Variants in NUP210 observed in about 807,000 individuals in gnomAD.
NUP210 encodes the protein nuclear pore membrane glycoprotein 210.
Under a neutral mutation model 196.0 loss-of-function variants are expected in NUP210, and 151 were observed. The ratio of observed to expected loss-of-function variants is 0.77; its 90% CI spans 0.67 to 0.88. NUP210 has a LOEUF of 0.88. NUP210 is among the 40% of genes least tolerant of loss of function. The pLI is 0.00. For missense variants in NUP210, 2,314 were observed against 2,493.7 expected, an observed-to-expected ratio of 0.93 and a Z score of 1.53; for synonymous variants, 1,070 against 1,052.7, an observed-to-expected ratio of 1.02 and a Z score of -0.32.
intron 1 of NUP210, among the ~76,000 whole-genome samples, chr3:13,413,311 CA>C (rs971280614): frequency 4.6e-5 from 7 of 151,154 alleles, no homozygotes; most frequent in African/African-American, 1.7e-4. Flanking sequence ...ACTAAAAATA[CA>C]AAAAAAAGTT....
At chr3:13,376,247 G>T (rs774016361) in intron 10 of NUP210, 44 bp downstream of exon 10, 24 of 1,606,436 alleles carry the variant, frequency 1.5e-5, no homozygotes, top group Non-Finnish European at 2.0e-5. Context: ...TACAGAGGGT[G>T]GCTTCATAGG....
At chr3:13,372,096 G>T in intron 12 of NUP210, 64 bp from the exon 13 acceptor site, 1 of 1,412,984 alleles carries the variant, frequency 7.1e-7, no homozygotes, top group South Asian at 1.4e-5. Context: ...CCTGTTGCTC[G>T]GATATCCTAA....
At chr3:13,390,757 C>A (rs1214446617) in intron 4 of NUP210, among the ~76,000 whole-genome samples, 2 of 152,240 alleles carry the variant, frequency 1.3e-5, no homozygotes, top group Admixed American at 1.3e-4. Context: ...GGTCAAGATG[C>A]TTAAGGTGTC....
intron 1 of NUP210, among the ~76,000 whole-genome samples, chr3:13,418,948 C>CAAA (rs112826426): frequency 4.8e-3 from 248 of 51,442 alleles, no homozygotes; most frequent in Middle Eastern, 0.012. Context: ...AACTCCGTCT[C>CAAA]AAAAAAAAAA....
At chr3:13,341,496 G>A (rs1356873812) in intron 23 of NUP210, among the ~76,000 whole-genome samples, 2 of 152,168 alleles carry the variant, frequency 1.3e-5, no homozygotes, top group East Asian at 3.8e-4. Context: ...CCCCTTCTCT[G>A]AGCCACACAA....
At position 13,372,666 on chromosome 3, in the gene NUP210, C is replaced by T. The variant is rs114261457; in HGVS notation, c.1588-634G>A. Among the ~76,000 whole-genome samples the T allele has an allele frequency of 6.0e-3, 916 of 152,282 alleles. 12 individuals are homozygous for T. The highest frequency in any genetic ancestry group is 0.02 in the African/African-American group (846 of 41,566). The stretch of plus-strand genomic sequence containing the variant: ...AGAGAGGTAAGCACAGCCATGATTG[C>T]ATAAAACTAGAATCCCACCTCCTGG... On this transcript the variant is annotated intron_variant, in intron 12 of 39. Transcript: ENST00000254508.
chr3:13,358,292 G>T lies in NUP210; in HGVS notation c.2258C>A (p.Thr753Asn). 1 of 1,613,828 alleles carries T rather than the reference G, an allele frequency of 6.2e-7. No homozygotes were observed. The highest frequency in any genetic ancestry group is 8.5e-7 in the Non-Finnish European group (1 of 1,179,864). The change falls in exon 16 of 40, where the codon ACC becomes AAC. Residue 753 changes from threonine (T) to asparagine (N), a missense_variant. Physicochemically the swap from Thr to Asn is moderately conservative, Grantham distance 65. Coordinates refer to ENST00000254508, the MANE Select transcript of NUP210 (RefSeq NM_024923.4). ...GGGGCTGGTGTAGACAGGCGCGAGG[G>T]TGAGCCTGGACGGTGGGGCGCAGAC... is the stretch of plus-strand genomic sequence containing the variant. ...KFVCAPPSRL[T>N]LAPVYTSPQL... is the part of the protein sequence containing the mutation.
rs1698951660 is a variant in NUP210, at chr3:13,377,438, A to G, written c.1152+18T>C. 2 of 1,573,362 alleles carry G rather than the reference A, an allele frequency of 1.3e-6. No individual in the cohort carries two copies. Among genetic ancestry groups the G allele is most frequent in the Middle Eastern group, 1.7e-4 (1 of 5,918 alleles). ...ACCCCACCTCATCCCCCCAGCCAGG[A>G]CCTGAACAGGCACTCACGTCAGATA... is the stretch of plus-strand genomic sequence containing the variant. On this transcript the variant is annotated intron_variant, in intron 9 of 39. Coordinates refer to ENST00000254508, the MANE Select transcript of NUP210 (RefSeq NM_024923.4).
At position 13,388,332 on chromosome 3, in the gene NUP210, T is replaced by C; in HGVS notation, c.655A>G (p.Lys219Glu). Reference sequence around the variant, plus strand: ...TAGACAGCCTCCTGGATGCGAGCCTTGAGCTTGGAGCTCCCGGTCTTCATC... The same window carrying C: ...TAGACAGCCTCCTGGATGCGAGCCTCGAGCTTGGAGCTCCCGGTCTTCATC... Reference protein sequence around the residue: ...SGMKTGSSKLKARIQEAVYKN... With the variant: ...SGMKTGSSKLEARIQEAVYKN... The change falls in exon 5 of 40, where the codon AAG becomes GAG. Residue 219 changes from lysine (K) to glutamate (E), a missense_variant. Coordinates refer to ENST00000254508, the MANE Select transcript of NUP210 (RefSeq NM_024923.4). 1 of 1,611,246 alleles carries C rather than the reference T, an allele frequency of 6.2e-7. No homozygotes were observed. The highest frequency in any genetic ancestry group is 8.5e-7 in the Non-Finnish European group (1 of 1,178,912).
chr3:13,316,416 T>C lies in NUP210; in HGVS notation c.*1265A>G, dbSNP rs1696273988. Reference sequence around the variant, plus strand: ...AGGGAGCTTGTGCGGGATCCCGTCATCCTGGACTCTCCACACAGCGTCCAC... The same window carrying C: ...AGGGAGCTTGTGCGGGATCCCGTCACCCTGGACTCTCCACACAGCGTCCAC... On this transcript the variant is annotated 3_prime_UTR_variant, in exon 40 of 40. Coordinates refer to ENST00000254508, the MANE Select transcript of NUP210 (RefSeq NM_024923.4). 1 of 152,246 alleles carries C rather than the reference T, an allele frequency of 6.6e-6. No homozygotes were observed. The highest frequency in any genetic ancestry group is 2.1e-4 in the South Asian group (1 of 4,832). The allele number at this position is 152,246 out of a possible 1,614,324, so 9.4% of individuals were successfully genotyped here. A position where few individuals can be genotyped will look rare whatever the true frequency, so the allele number is the denominator to read the frequency against.
rs754057880 is a variant in NUP210, at chr3:13,391,272, C to T, written c.472G>A (p.Glu158Lys). 6 of 1,612,356 alleles carry T rather than the reference C, an allele frequency of 3.7e-6. No individual in the cohort carries two copies. The highest frequency in any genetic ancestry group is 1.6e-4 in the Middle Eastern group (1 of 6,062). ...TFSTLAGLVFEWTIVKDSEAD... is the reference protein window; with the variant it reads ...TFSTLAGLVFKWTIVKDSEAD... ...TCGGAGTCCTTCACAATCGTCCACT[C>T]GAAGACCAGTCCAGCCAGAGTGCTG... The change falls in exon 4 of 40, where the codon GAG (glutamate) becomes AAG (lysine). Residue 158 changes from glutamate (E) to lysine (K), a missense_variant. Glu to Lys is a moderately conservative substitution (Grantham distance 56). Transcript: ENST00000254508.
intron 13 of NUP210, among the ~76,000 whole-genome samples, chr3:13,370,610 C>T (rs145099203): frequency 0.015 from 2,270 of 152,342 alleles, 35 homozygotes; most frequent in Middle Eastern, 0.044. Context: ...CAGCGGGCCT[C>T]TCCCACGTGC....
chr3:13,379,494 A>T lies in NUP210; in HGVS notation c.976+69T>A, dbSNP rs902291880. On this transcript the variant is annotated intron_variant, in intron 7 of 39. Transcript: ENST00000254508. The surrounding 1 kb of genome is among the most constrained non-coding windows in gnomAD (Gnocchi z 4.2). ...TTTAGCCCTGCCGAGCTTTCAGGGA[A>T]AAAAAGACTTGACTTCCAAACAGCA... 8.8e-6 allele frequency: 14 copies of T among 1,597,696 alleles called. No individual in the cohort carries two copies. Among genetic ancestry groups the T allele is most frequent in the Non-Finnish European group, 1.0e-5 (12 of 1,169,766 alleles).
At chr3:13,372,438 G>A (rs1199543905) in intron 12 of NUP210, among the ~76,000 whole-genome samples, 2 of 152,154 alleles carry the variant, frequency 1.3e-5, no homozygotes, top group Non-Finnish European at 2.9e-5. Flanking sequence ...GGCTGAGCTG[G>A]GGGACCTCAG....
At chr3:13,337,353 C>T (rs944783853) in intron 26 of NUP210, among the ~76,000 whole-genome samples, 2 of 152,166 alleles carry the variant, frequency 1.3e-5, no homozygotes, top group African/African-American at 2.4e-5. Flanking sequence ...AGGGCACAGG[C>T]GGAGGCAAGA....
In NUP210 at chr3:13,317,727, G is replaced by T; in HGVS notation, c.5618C>A (p.Ala1873Asp). The T allele has an allele frequency of 6.2e-7, 1 of 1,611,904 alleles. No individual in the cohort carries two copies. The change falls in exon 40 of 40, where the codon GCC becomes GAC. Residue 1873 changes from alanine to aspartate, a missense_variant. Coordinates refer to ENST00000254508, the MANE Select transcript of NUP210 (RefSeq NM_024923.4). ...GCTCCACAGCCCTGAGGGAGGGCTG[G>T]CTTTGCGAGCAGGAGGCAATGCATT... ...SPNALPPARK[A>D]SPPSGLWSPA... is the part of the protein sequence containing the mutation.
At chr3:13,330,742 G>GAAAAAAAAAAA in intron 29 of NUP210, 108 bp from the exon 30 acceptor site, 1 of 1,112,734 alleles carries the variant, frequency 9.0e-7, no homozygotes, top group Non-Finnish European at 1.3e-6. Context: ...CTCCTGGGAG[G>GAAAAAAAAAAA]AAAAAAGGCC....
chr3:13,321,651 C>A lies in NUP210; in HGVS notation c.5100G>T (p.Leu1700Phe). 6.2e-7 allele frequency: 1 copy of A among 1,614,046 alleles called. No individual in the cohort carries two copies. The highest frequency in any genetic ancestry group is 1.1e-5 in the South Asian group (1 of 91,066). Residue 1700 changes from leucine (L) to phenylalanine (F), a missense_variant, in exon 36 of 40, where the codon TTG (leucine) becomes TTT (phenylalanine). Physicochemically the swap from Leu to Phe is conservative, Grantham distance 22 (BLOSUM62 0). Transcript: ENST00000254508. ...GLFADQAEIL[L>F]SNHYTSSEIR... is the part of the protein sequence containing the mutation. ...TCTCGGAACTGGTGTAGTGGTTGCT[C>A]AAAAGGATTTCAGCCTGGTCGGCGA...
rs771389963 is a variant in NUP210 at position 13,352,128 on chromosome 3, C to A, written c.2685G>T (p.Val895=). ...ASIELILVED[V]RVSPEEVTIY... ...TGGTCACCTCTTCTGGGCTCACCCT[C>A]ACGTCCTCCACCAGGATGAGCTCTA... The change falls in exon 19 of 40, where the codon GTG becomes GTT. Residue 895 remains valine (V), a synonymous_variant. Coordinates refer to ENST00000254508, the MANE Select transcript of NUP210 (RefSeq NM_024923.4). 1.2e-6 allele frequency: 2 copies of A among 1,614,110 alleles called. No homozygotes were observed. The highest frequency in any genetic ancestry group is 1.7e-6 in the Non-Finnish European group (2 of 1,180,012).
Sources: gnomAD v4.1 joint callset for allele counts (sites outside exome capture counted in the v4.1 genomes callset) on GRCh38, gnomAD v4.1.1 for gene constraint, Gnocchi (gnomAD v3.1) non-coding constraint, MANE v1.5 for transcripts, NCBI Gene and HGNC (gene_info 2026-07-23, HGNC 2026-07-21) for gene names.